Variants in CCM2 observed in about 807,000 individuals in gnomAD.
The protein encoded by CCM2 is cerebral cavernous malformations 2 protein.
A neutral mutation model predicts 44.9 loss-of-function variants in CCM2; 25 were observed. That is an observed-to-expected ratio of 0.56 (90% confidence interval 0.41 to 0.78). CCM2 has a LOEUF of 0.78. CCM2 is among the 30% of genes least tolerant of loss of function. CCM2 has a pLI of 0.00. For synonymous variants in CCM2, 219 were observed against 241.1 expected (o/e 0.91, Z 0.85); for missense variants, 481 against 580.6 (o/e 0.83, Z 1.76).
chr7:45,049,236 G>A (rs1320961185), intron 2 of CCM2, among the ~76,000 whole-genome samples: 1 of 152,174 alleles, frequency 6.6e-6, no homozygotes, highest in African/African-American at 2.4e-5. Context: ...GATTACAAGT[G>A]TGAGCCACCA....
In CCM2 at chr7:45,072,748, C is replaced by A; in HGVS notation, c.768C>A (p.Asp256Glu). ...CAGATGACTCTTCTACAAAAGTGGA[C>A]ATTAAGGAGACCTACGAGGTGGAAG... ...LHSDDSSTKV[D>E]IKETYEVEAS... The change falls in exon 7 of 10, where the codon GAC becomes GAA. Residue 256 changes from aspartate (D) to glutamate (E), a missense_variant. Physicochemically the swap from Asp to Glu is conservative, Grantham distance 45. Coordinates refer to ENST00000258781, the MANE Select transcript of CCM2 (RefSeq NM_031443.4). 6.2e-7 allele frequency: 1 copy of A among 1,612,952 alleles called. No homozygotes were observed. Among genetic ancestry groups the A allele is most frequent in the Non-Finnish European group, 8.5e-7 (1 of 1,179,660 alleles).
chr7:45,047,176 C>T (rs778633354), intron 2 of CCM2, among the ~76,000 whole-genome samples: 10 of 152,148 alleles, frequency 6.6e-5, no homozygotes, highest in African/African-American at 1.4e-4. Context: ...CAAATCTCCA[C>T]GTGCAACTAC....
chr7:45,040,644 A>C (rs991687898), intron 2 of CCM2, among the ~76,000 whole-genome samples: 1 of 152,238 alleles, frequency 6.6e-6, no homozygotes. Flanking sequence ...TAAAACCTCA[A>C]CTCACAGAAG....
chr7:45,006,510 A>AT (rs978782702), intron 1 of CCM2, among the ~76,000 whole-genome samples: 4 of 151,726 alleles, frequency 2.6e-5, no homozygotes, highest in Non-Finnish European at 5.9e-5. Flanking sequence ...CACCTGGCTA[A>AT]TTTTTTTGTA....
intron 2 of CCM2, among the ~76,000 whole-genome samples, chr7:45,039,798 G>A (rs556017249): frequency 2.0e-5 from 3 of 151,322 alleles, no homozygotes; most frequent in Non-Finnish European, 4.4e-5. Flanking sequence ...AGGCCAAGGT[G>A]TGCGGATCAC....
chr7:45,062,502 G>C (rs1337342436), intron 2 of CCM2, among the ~76,000 whole-genome samples: 1 of 152,210 alleles, frequency 6.6e-6, no homozygotes, highest in East Asian at 1.9e-4. Context: ...GTTTTGTGCT[G>C]CTATAACAGA....
intron 1 of CCM2, among the ~76,000 whole-genome samples, chr7:45,010,190 C>T (rs1486507858): frequency 1.3e-5 from 2 of 152,154 alleles, no homozygotes; most frequent in East Asian, 1.9e-4. Flanking sequence ...GTATTACAGG[C>T]GTGAGCCACT....
At chr7:45,043,716 T>G (rs1797621759) in intron 2 of CCM2, 2 of 406,274 alleles carry the variant, frequency 4.9e-6, no homozygotes, top group African/African-American at 4.3e-5. Flanking sequence ...GGGCTCCCAT[T>G]AATCACATAT....
At chr7:45,023,787 G>GTTTTTTTTT (rs10596429) in intron 1 of CCM2, among the ~76,000 whole-genome samples, 17 of 58,642 alleles carry the variant, frequency 2.9e-4, no homozygotes, top group Non-Finnish European at 4.4e-4. Context: ...CTCTGTATCA[G>GTTTTTTTTT]TTTTTTTTTT....
intron 2 of CCM2, 86 bp downstream of exon 2, chr7:45,038,512 G>C (rs1797335953): frequency 1.4e-6 from 2 of 1,386,222 alleles, no homozygotes; most frequent in African/African-American, 2.8e-5. Flanking sequence ...GAGTTTATAA[G>C]ACACAGCCAC....
At chr7:45,052,901 C>T (rs556283417) in intron 2 of CCM2, among the ~76,000 whole-genome samples, 2 of 152,298 alleles carry the variant, frequency 1.3e-5, no homozygotes, top group South Asian at 2.1e-4. Context: ...TTCCAAATGG[C>T]CTTTTCTACT....
At chr7:45,037,966 C>G (rs1797304757) in intron 1 of CCM2, among the ~76,000 whole-genome samples, 2 of 152,162 alleles carry the variant, frequency 1.3e-5, no homozygotes. Context: ...ATTGTCTTGC[C>G]AGATAAGGTT....
chr7:45,031,026 G>T (rs909107284), intron 1 of CCM2, among the ~76,000 whole-genome samples: 2 of 151,876 alleles, frequency 1.3e-5, no homozygotes, highest in Non-Finnish European at 2.9e-5. Context: ...ACCTGGCCTC[G>T]ATTTATTTTT....
chr7:45,022,250 GTA>G (rs1276439237), intron 1 of CCM2, among the ~76,000 whole-genome samples: 2 of 129,480 alleles, frequency 1.5e-5, no homozygotes, highest in African/African-American at 2.9e-5. Flanking sequence ...CCACATTTTA[GTA>G]TGTTTCATGT....
intron 4 of CCM2, 99 bp from the exon 5 acceptor site, chr7:45,068,344 T>G: frequency 3.3e-6 from 5 of 1,505,252 alleles, no homozygotes; most frequent in South Asian, 2.3e-5. Flanking sequence ...CAGGTAAAGG[T>G]CCTCTCAGCC....
intron 1 of CCM2, among the ~76,000 whole-genome samples, chr7:45,015,501 A>T (rs532408217): frequency 6.6e-6 from 1 of 152,102 alleles, no homozygotes; most frequent in South Asian, 2.1e-4. Flanking sequence ...GATGAAAGGG[A>T]GGGGGAGGTG....
intron 4 of CCM2, chr7:45,067,733 G>A (rs1798852395): frequency 6.5e-6 from 1 of 153,958 alleles, no homozygotes; most frequent in Non-Finnish European, 1.4e-5. Context: ...TGGAGCCCTT[G>A]TCTCTGTGCA....
At chr7:45,048,103 C>T (rs900496769) in intron 2 of CCM2, among the ~76,000 whole-genome samples, 1 of 151,984 alleles carries the variant, frequency 6.6e-6, no homozygotes, top group Admixed American at 6.6e-5. Flanking sequence ...GAATATAAGC[C>T]CATTATTTAG....
chr7:45,037,418 C>T (rs369996653), intron 1 of CCM2, among the ~76,000 whole-genome samples: 3 of 112,068 alleles, frequency 2.7e-5, no homozygotes, highest in Admixed American at 1.0e-4. Flanking sequence ...TCTCCCCCTA[C>T]TTTTTTTTTT....
Sources: allele counts gnomAD v4.1 joint callset (sites outside exome capture counted in the v4.1 genomes callset), GRCh38; gene constraint gnomAD v4.1.1; transcripts MANE v1.5; gene names NCBI Gene and HGNC (gene_info 2026-07-23, HGNC 2026-07-21).